Variants in ALMS1 observed in about 807,000 individuals in gnomAD.
ALMS1 encodes ALMS1 centrosome and basal body associated protein.
A neutral mutation model predicts 352.2 loss-of-function variants in ALMS1; 271 were observed. The ratio of observed to expected loss-of-function variants is 0.77; its 90% CI spans 0.70 to 0.85. ALMS1 has a LOEUF of 0.85. Among genes scored for constraint, ALMS1 ranks in the 40% least tolerant of loss-of-function variants. The probability of loss-of-function intolerance (pLI) is 0.00; values close to 1 mark genes in which losing one functional copy is unlikely to be tolerated. For missense variants in ALMS1, 5,445 were observed against 4,870.7 expected (o/e 1.12, Z -3.51); for synonymous variants, 1,865 against 1,761.2 (o/e 1.06, Z -1.48).
intron 7 of ALMS1, among the ~76,000 whole-genome samples, chr2:73,441,335 C>T (rs771151622): frequency 2.8e-4 from 42 of 152,282 alleles, no homozygotes; most frequent in African/African-American, 9.4e-4. Flanking sequence ...TCTTTTACCA[C>T]AGGAGAGTTA....
intron 2 of ALMS1, among the ~76,000 whole-genome samples, chr2:73,409,625 G>A (rs1421521414): frequency 6.6e-6 from 1 of 152,044 alleles, no homozygotes; most frequent in Non-Finnish European, 1.5e-5. Flanking sequence ...TGGAAGAATA[G>A]CATTGTTTAA....
At chr2:73,496,568 T>G (rs1372372533) in intron 10 of ALMS1, among the ~76,000 whole-genome samples, 1 of 144,040 alleles carries the variant, frequency 6.9e-6, no homozygotes, top group Non-Finnish European at 1.6e-5. Flanking sequence ...TTTTTGTTTC[T>G]CTACAGTAAA....
At chr2:73,609,232 G>T (rs184383136) in intron 22 of ALMS1, among the ~76,000 whole-genome samples, 1 of 152,232 alleles carries the variant, frequency 6.6e-6, no homozygotes, top group African/African-American at 2.4e-5. Context: ...CAGAACCCAG[G>T]CGGGTGCCTC....
At chr2:73,427,064 C>A (rs1337492195) in intron 6 of ALMS1, among the ~76,000 whole-genome samples, 1 of 152,070 alleles carries the variant, frequency 6.6e-6, no homozygotes, top group Non-Finnish European at 1.5e-5. Flanking sequence ...GGCTCCAGGC[C>A]TTTCATATTG....
At chr2:73,422,097 T>G (rs761993661) in intron 3 of ALMS1, among the ~76,000 whole-genome samples, 4 of 152,132 alleles carry the variant, frequency 2.6e-5, no homozygotes, top group Non-Finnish European at 4.4e-5. Context: ...CTGAAACATT[T>G]AAAATGTATT....
At chr2:73,486,303 C>T (rs547760657) in intron 9 of ALMS1, among the ~76,000 whole-genome samples, 46 of 152,150 alleles carry the variant, frequency 3.0e-4, no homozygotes, top group East Asian at 1.4e-3. Context: ...AGGTAGGCTT[C>T]GCTAGACTTT....
In ALMS1 at chr2:73,572,680, G is replaced by A. The variant is rs1246917834; in HGVS notation, c.10803G>A (p.Leu3601=). 2.4e-5 allele frequency: 38 copies of A among 1,613,996 alleles called. No homozygotes were observed. Among genetic ancestry groups the A allele is most frequent in the Non-Finnish European group, 2.9e-5 (34 of 1,180,016 alleles). Residue 3601 remains leucine (L), a synonymous_variant, in exon 16 of 23, where the codon CTG becomes CTA. Coordinates refer to ENST00000613296, the MANE Select transcript of ALMS1 (RefSeq NM_001378454.1). ...TTQHTVSLNE[L]WNKYRERQRQ... ...AGCACACTGTGAGTTTGAATGAACT[G>A]TGGAACAAGTATCGGGAGCGACAGA...
intron 10 of ALMS1, among the ~76,000 whole-genome samples, chr2:73,509,700 T>G (rs1673409841): frequency 6.6e-6 from 1 of 152,216 alleles, no homozygotes; most frequent in Admixed American, 6.5e-5. Flanking sequence ...TATTTTTTCC[T>G]TCATTTCAAC....
intron 16 of ALMS1, among the ~76,000 whole-genome samples, chr2:73,593,277 T>C (rs1010144520): frequency 3.3e-5 from 5 of 152,194 alleles, no homozygotes; most frequent in Non-Finnish European, 7.3e-5. Context: ...ATTGTGATTA[T>C]TGTGAATCCG....
chr2:73,452,999 G>A lies in ALMS1; in HGVS notation c.6472G>A (p.Asp2158Asn), dbSNP rs545636120. Residue 2158 changes from aspartate (D) to asparagine (N), a missense_variant, in exon 8 of 23, where the codon GAT becomes AAT. By Grantham distance (23) the Asp-to-Asn change is conservative. Coordinates refer to ENST00000613296, the MANE Select transcript of ALMS1 (RefSeq NM_001378454.1). The part of the protein sequence containing the change: ...PDIFYQKDLP[D>N]RHLTEDALKI... ...TATTTTCTATCAAAAGGATTTGCCA[G>A]ATAGACATCTAACTGAAGATGCTCT... 1 of 1,612,798 alleles carries A rather than the reference G, an allele frequency of 6.2e-7. No homozygotes were observed. The highest frequency in any genetic ancestry group is 8.5e-7 in the Non-Finnish European group (1 of 1,179,546).
At chr2:73,433,408 TAGA>T (rs1444507758) in intron 7 of ALMS1, among the ~76,000 whole-genome samples, 2 of 152,050 alleles carry the variant, frequency 1.3e-5, no homozygotes, top group Non-Finnish European at 2.9e-5. Flanking sequence ...TAGGAGAAAA[TAGA>T]AGGACCAGAG....
intron 13 of ALMS1, among the ~76,000 whole-genome samples, chr2:73,553,504 T>G (rs959872876): frequency 2.0e-5 from 3 of 152,152 alleles, no homozygotes; most frequent in African/African-American, 7.2e-5. Flanking sequence ...TTTGCAGCTA[T>G]GAGGATGAAG....
intron 9 of ALMS1, among the ~76,000 whole-genome samples, chr2:73,485,659 G>C (rs547457080): frequency 6.6e-6 from 1 of 152,160 alleles, no homozygotes; most frequent in Non-Finnish European, 1.5e-5. Flanking sequence ...AATGGCGGGC[G>C]CCCCTCCCCC....
At chr2:73,436,448 ATTTC>A (rs1362373498) in intron 7 of ALMS1, among the ~76,000 whole-genome samples, 1 of 152,064 alleles carries the variant, frequency 6.6e-6, no homozygotes, top group African/African-American at 2.4e-5. Flanking sequence ...TTCAGCCATC[ATTTC>A]TTTGAGGATT....
chr2:73,422,835 T>G (rs1467730210), intron 3 of ALMS1, 22 bp from the exon 4 acceptor site: 3 of 1,567,740 alleles, frequency 1.9e-6, no homozygotes, highest in Non-Finnish European at 2.6e-6. Flanking sequence ...TTACCCAGCA[T>G]TTAATATTTG....
At position 73,604,337 on chromosome 2, in the gene ALMS1, G is replaced by A. The variant is rs116196426; in HGVS notation, c.12362+1033G>A. Among the ~76,000 whole-genome samples the A allele has an allele frequency of 5.0e-3, 761 of 152,272 alleles. 7 individuals are homozygous for A. The highest frequency in any genetic ancestry group is 0.018 in the African/African-American group (734 of 41,546). On this transcript the variant is annotated intron_variant, in intron 21 of 22. Coordinates refer to ENST00000613296, the MANE Select transcript of ALMS1 (RefSeq NM_001378454.1). ...CTCTTAAGCCCAGGAATTTGAGACT[G>A]CAGTGAGCTGTGATCACACCATTAC...
chr2:73,605,923 A>G (rs1558714251), intron 21 of ALMS1, among the ~76,000 whole-genome samples: 1 of 152,184 alleles, frequency 6.6e-6, no homozygotes, highest in Non-Finnish European at 1.5e-5. Context: ...AGTTACCTGA[A>G]AAGAGTATTG....
At chr2:73,483,657 A>G (rs915174587) in intron 9 of ALMS1, among the ~76,000 whole-genome samples, 7 of 151,136 alleles carry the variant, frequency 4.6e-5, no homozygotes, top group Non-Finnish European at 8.8e-5. Context: ...TGATCTGTCT[A>G]ATGTTGACAG....
chr2:73,412,688 C>A (rs1277311481), intron 2 of ALMS1, among the ~76,000 whole-genome samples: 1 of 151,938 alleles, frequency 6.6e-6, no homozygotes, highest in Non-Finnish European at 1.5e-5. Flanking sequence ...CCCAGCTACT[C>A]GGGAGGCTGA....
Sources: gnomAD v4.1 joint callset for allele counts (sites outside exome capture counted in the v4.1 genomes callset) on GRCh38, gnomAD v4.1.1 for gene constraint, MANE v1.5 for transcripts, NCBI Gene and HGNC (gene_info 2026-07-23, HGNC 2026-07-21) for gene names.